PECR: variants seen among roughly 807,000 people sequenced by gnomAD.
PECR encodes the protein peroxisomal trans-2-enoyl-CoA reductase.
A neutral mutation model predicts 35.3 loss-of-function variants in PECR; 30 were observed. That is an observed-to-expected ratio of 0.85 (90% CI 0.64 to 1.15). The LOEUF (loss-of-function observed/expected upper bound fraction) is 1.15. Among genes scored for constraint, PECR ranks in the 50% most tolerant of loss-of-function variants. The probability of loss-of-function intolerance (pLI) is 0.00; values close to 1 mark genes in which losing one functional copy is unlikely to be tolerated. For missense variants in PECR, 392 were observed against 370.8 expected, an observed-to-expected ratio of 1.06 and a Z score of -0.47; for synonymous variants, 148 against 138.9, an observed-to-expected ratio of 1.07 and a Z score of -0.46.
chr2:216,065,291 G>A (rs2105961709), intron 3 of PECR, 21 bp downstream of exon 3: 1 of 1,562,650 alleles, frequency 6.4e-7, no homozygotes, highest in Non-Finnish European at 8.8e-7. Context: ...ATGTTGACTT[G>A]TGGATACTGA....
chr2:216,074,533 G>A (rs12992488), intron 1 of PECR, among the ~76,000 whole-genome samples: 15 of 120,650 alleles, frequency 1.2e-4, no homozygotes, highest in South Asian at 2.2e-4. Flanking sequence ...AGGAAGGAAG[G>A]AAGGAAGAAA....
chr2:216,075,562 C>A (rs1695681650), intron 1 of PECR, among the ~76,000 whole-genome samples: 1 of 152,146 alleles, frequency 6.6e-6, no homozygotes, highest in Non-Finnish European at 1.5e-5. Flanking sequence ...CCTTGCCTTT[C>A]ATGCTAAATC....
rs774207430 is a variant in PECR at position 216,062,052 on chromosome 2, AT to A, written c.425-3077del. Among the ~76,000 whole-genome samples, 684 of 137,156 alleles carry A rather than the reference AT, an allele frequency of 5.0e-3. 1 individual carries two copies. The highest frequency in any genetic ancestry group is 7.6e-3 in the Middle Eastern group (2 of 264). 90.0% of individuals were successfully genotyped at this position (137,156 alleles called of 152,430 possible). ...AAATGGGAATGTTAGTGCGTGGTGAATTTTTTTTTTTTTTTTTTGAGACAGA... is the reference window on the plus strand; with the variant it reads ...AAATGGGAATGTTAGTGCGTGGTGAATTTTTTTTTTTTTTTTTGAGACAGA... On this transcript the variant is annotated intron_variant, in intron 3 of 7. Transcript: ENST00000265322.
chr2:216,043,738 G>A (rs950623347), intron 7 of PECR, among the ~76,000 whole-genome samples, 166 bp downstream of exon 7: 1 of 151,950 alleles, frequency 6.6e-6, no homozygotes, highest in Non-Finnish European at 1.5e-5. Context: ...TCTGTGACTA[G>A]GAATATTTCA....
At chr2:216,061,311 CAAAAAAAAAAAAAAAAAA>C (rs56791924) in intron 3 of PECR, among the ~76,000 whole-genome samples, 1 of 44,932 alleles carries the variant, frequency 2.2e-5, no homozygotes. Flanking sequence ...AACCCTGTCT[CAAAAAAAAAAAAAAAAAA>C]AAAAAAAAAA....
intron 7 of PECR, among the ~76,000 whole-genome samples, chr2:216,031,683 G>C (rs1324013674): frequency 7.4e-5 from 4 of 53,708 alleles, no homozygotes; most frequent in African/African-American, 2.8e-4. Flanking sequence ...AAGAAAGAAA[G>C]AAAGAAAGAG....
chr2:216,064,750 G>A (rs1695430392), intron 3 of PECR, among the ~76,000 whole-genome samples: 1 of 152,106 alleles, frequency 6.6e-6, no homozygotes, highest in African/African-American at 2.4e-5. Context: ...AATTCATGTT[G>A]GCATGAAGAC....
intron 7 of PECR, among the ~76,000 whole-genome samples, chr2:216,039,720 T>C (rs2105941187): frequency 6.6e-6 from 1 of 152,316 alleles, no homozygotes; most frequent in African/African-American, 2.4e-5. Flanking sequence ...TTAAAAATAG[T>C]GTCCTTACTT....
chr2:216,046,617 A>C lies in PECR; in HGVS notation c.715-2602T>G, dbSNP rs140761564. ...TGAGCCACTGTGCCTAGCCTCCCAA[A>C]GTATTCTATCAAAAATAAAAATGTA... On this transcript the variant is annotated intron_variant, in intron 6 of 7. Transcript: ENST00000265322. Among the ~76,000 whole-genome samples, 925 of 152,120 alleles carry C rather than the reference A, an allele frequency of 6.1e-3. 10 individuals carry two copies. The highest frequency in any genetic ancestry group is 0.021 in the African/African-American group (877 of 41,494).
intron 1 of PECR, among the ~76,000 whole-genome samples, chr2:216,078,079 CA>C (rs1695748540): frequency 6.7e-6 from 1 of 148,974 alleles, no homozygotes; most frequent in African/African-American, 2.5e-5. Context: ...AAGTTCATGC[CA>C]AAAAGACATA....
chr2:216,060,881 G>A (rs1413756604), intron 3 of PECR, among the ~76,000 whole-genome samples: 4 of 150,922 alleles, frequency 2.7e-5, no homozygotes, highest in African/African-American at 9.7e-5. Flanking sequence ...TAGGAGGTGA[G>A]AAAAAAAGGA....
At chr2:216,066,332 C>T in intron 2 of PECR, 53 bp downstream of exon 2, 1 of 1,513,070 alleles carries the variant, frequency 6.6e-7, no homozygotes, top group South Asian at 1.1e-5. Flanking sequence ...GTTTAAGAAA[C>T]ACTACTGCAA....
chr2:216,055,832 T>C (rs185068485), intron 4 of PECR, among the ~76,000 whole-genome samples: 1 of 152,250 alleles, frequency 6.6e-6, no homozygotes, highest in African/African-American at 2.4e-5. Context: ...TTAATTTCCA[T>C]TTAGCCGTAC....
In PECR at chr2:216,049,283, G is replaced by T; in HGVS notation, c.694C>A (p.Arg232=). 1 of 1,564,188 alleles carries T rather than the reference G, an allele frequency of 6.4e-7. No individual in the cohort carries two copies. The part of the protein sequence containing the change: ...EGSFQKIPAK[R]IGVPEEVSSV... ...CTTACCTCCTCAGGAACACCAATTC[G>T]TTTAGCGGGGATTTTCTGAAAAGAC... The change falls in exon 6 of 8, where the codon CGA becomes AGA. Residue 232 remains arginine, a synonymous_variant. Transcript: ENST00000265322.
intron 1 of PECR, among the ~76,000 whole-genome samples, chr2:216,071,173 C>A (rs1383811406): frequency 6.6e-6 from 1 of 152,234 alleles, no homozygotes; most frequent in Non-Finnish European, 1.5e-5. Flanking sequence ...AGGGCACCCA[C>A]ACAGTTTGTT....
chr2:216,031,699 A>AAGAGAG (rs1361608055), intron 7 of PECR, among the ~76,000 whole-genome samples: 1 of 127,494 alleles, frequency 7.8e-6, no homozygotes, highest in African/African-American at 2.8e-5. Flanking sequence ...AAGAGAAAGA[A>AAGAGAG]AGAAAGAAAG....
At position 216,076,254 on chromosome 2, in the gene PECR, G is replaced by A. The variant is rs544428409; in HGVS notation, c.124+5364C>T. Among the ~76,000 whole-genome samples the A allele has an allele frequency of 4.6e-5, 7 of 152,234 alleles. No individual in the cohort carries two copies. The South Asian group carries it at 1.2e-3, about 27-fold the overall frequency. On this transcript the variant is annotated intron_variant, in intron 1 of 7. Transcript: ENST00000265322. ...GTCACCCAGGCCAGATTGCAGTGGCGTGATCTCGGCTCACTGCAACCTCCG... is the reference window on the plus strand; with the variant it reads ...GTCACCCAGGCCAGATTGCAGTGGCATGATCTCGGCTCACTGCAACCTCCG...
At chr2:216,040,130 G>T (rs1438693993) in intron 7 of PECR, among the ~76,000 whole-genome samples, 1 of 152,134 alleles carries the variant, frequency 6.6e-6, no homozygotes, top group Admixed American at 6.5e-5. Context: ...GGAAAAACTT[G>T]TCCTTGATGA....
chr2:216,034,645 C>T (rs984298535), downstream of PECR, among the ~76,000 whole-genome samples: 1 of 152,104 alleles, frequency 6.6e-6, no homozygotes, highest in African/African-American at 2.4e-5. Flanking sequence ...TGTGAGAGTG[C>T]AACTGGTATC....
Sources: allele counts gnomAD v4.1 joint callset (sites outside exome capture counted in the v4.1 genomes callset), GRCh38; gene constraint gnomAD v4.1.1; transcripts MANE v1.5; gene names NCBI Gene and HGNC (gene_info 2026-07-23, HGNC 2026-07-21).